The following MAPKAPK5 variants were observed in gnomAD, a reference collection of about 807,000 sequenced individuals.
MAPKAPK5 encodes the protein MAPK activated protein kinase 5, also known as MAP kinase-activated protein kinase 5.
A neutral mutation model predicts 65.1 loss-of-function variants in MAPKAPK5; 30 were observed. That is an observed-to-expected ratio of 0.46 (90% CI 0.34 to 0.63). The LOEUF (loss-of-function observed/expected upper bound fraction) is 0.63. Ranked by LOEUF, MAPKAPK5 falls within the 20% of genes least tolerant of loss-of-function variation. The pLI is 0.01. For missense variants in MAPKAPK5, 433 were observed against 581.4 expected (o/e 0.74, Z 2.63); for synonymous variants, 179 against 204.6 (o/e 0.87, Z 1.07).
chr12:111,881,535 G>A (rs1424740230), intron 8 of MAPKAPK5, among the ~76,000 whole-genome samples: 1 of 151,676 alleles, frequency 6.6e-6, no homozygotes, highest in Non-Finnish European at 1.5e-5. Flanking sequence ...CTCCCAAGTA[G>A]CTGGGATTAC....
chr12:111,842,813 GTTC>G, intron 1 of MAPKAPK5, 44 bp downstream of exon 1: 3 of 1,293,228 alleles, frequency 2.3e-6, no homozygotes. Flanking sequence ...GTCCTGTGGC[GTTC>G]TTCTCGGCTC....
intron 1 of MAPKAPK5, among the ~76,000 whole-genome samples, chr12:111,863,143 C>T (rs188337929): frequency 1.7e-4 from 26 of 152,200 alleles, no homozygotes; most frequent in Admixed American, 5.9e-4. Context: ...TGGTAGAGGA[C>T]GCCAGAGCCA....
intron 8 of MAPKAPK5, among the ~76,000 whole-genome samples, chr12:111,881,653 G>A (rs889235157): frequency 2.0e-5 from 3 of 151,852 alleles, no homozygotes; most frequent in Non-Finnish European, 2.9e-5. Context: ...TGATCCACTC[G>A]CCTCGGCCTC....
rs2070315388 is a variant in MAPKAPK5 at position 111,883,808 on chromosome 12, C to T, written c.848+40C>T. 1 of 1,595,506 alleles carries T rather than the reference C, an allele frequency of 6.3e-7. No homozygotes were observed. On this transcript the variant is annotated intron_variant, in intron 9 of 13. Transcript: ENST00000550735. The surrounding 1 kb of genome is among the most constrained non-coding windows in gnomAD (Gnocchi z 4.8). ...TGCTGGGCATGGAGGCCAAGGAGGC[C>T]TCCAGGTGGTGGAGCACAAGGGAAT...
Position 111,883,780 on chromosome 12 carries a change from G to A in MAPKAPK5, c.848+12G>A. 1 of 1,610,878 alleles carries A rather than the reference G, an allele frequency of 6.2e-7. No individual in the cohort carries two copies. The highest frequency in any genetic ancestry group is 1.7e-4 in the Middle Eastern group (1 of 6,010). On this transcript the variant is annotated intron_variant, in intron 9 of 13. Coordinates refer to ENST00000550735, the MANE Select transcript of MAPKAPK5 (RefSeq NM_003668.4). This position sits in a 1 kb window ranked among gnomAD's most constrained non-coding sequence, Gnocchi z 4.8. ...GATGTTGTGAGGAAGTGAGTTCACG[G>A]GCTGCTGGGCATGGAGGCCAAGGAG...
At chr12:111,891,623 C>G (rs1310366755) in intron 13 of MAPKAPK5, among the ~76,000 whole-genome samples, 2 of 139,460 alleles carry the variant, frequency 1.4e-5, no homozygotes, top group Admixed American at 7.3e-5. Context: ...GAAACCCCAC[C>G]TCTACTAAAA....
Position 111,899,970 on chromosome 12 carries a change from T to G in MAPKAPK5, c.*6909T>G. ...GTCACACAAAAAGTACGTGGAGATG[T>G]TTGTCGTGGTCAACAACCAGCGGTT... is the stretch of plus-strand genomic sequence containing the variant. On this transcript the variant is annotated 3_prime_UTR_variant, in exon 14 of 14. Coordinates refer to ENST00000550735, the MANE Select transcript of MAPKAPK5 (RefSeq NM_003668.4). 1 of 456,024 alleles carries G rather than the reference T, an allele frequency of 2.2e-6. No homozygotes were observed. The highest frequency in any genetic ancestry group is 4.4e-6 in the Non-Finnish European group (1 of 226,802). 28.2% of individuals were successfully genotyped at this position (456,024 alleles called of 1,614,324 possible).
At chr12:111,850,032 T>TGC (rs2136069962) in intron 1 of MAPKAPK5, among the ~76,000 whole-genome samples, 1 of 135,748 alleles carries the variant, frequency 7.4e-6, no homozygotes, top group Non-Finnish European at 1.5e-5. Flanking sequence ...TTGTGAAATA[T>TGC]CCTTTTTTTT....
Position 111,900,056 on chromosome 12 carries a change from G to A in MAPKAPK5, c.*6995G>A, listed in dbSNP as rs887551117. ...AGACAGTAGTGGATGTCATTGCTCT[G>A]GCCAACAGCTTCACTAGGGGAATAA... On this transcript the variant is annotated 3_prime_UTR_variant, in exon 14 of 14. Coordinates refer to ENST00000550735, the MANE Select transcript of MAPKAPK5 (RefSeq NM_003668.4). The A allele has an allele frequency of 2.2e-6, 1 of 456,060 alleles. No homozygotes were observed. Among genetic ancestry groups the A allele is most frequent in the Non-Finnish European group, 4.4e-6 (1 of 226,794 alleles). 28.3% of individuals were successfully genotyped at this position (456,060 alleles called of 1,614,324 possible). A position where few individuals can be genotyped will look rare whatever the true frequency, so the allele number is the denominator to read the frequency against.
At chr12:111,882,824 C>G (rs2070279932) in intron 8 of MAPKAPK5, 1 of 985,314 alleles carries the variant, frequency 1.0e-6, no homozygotes, top group Admixed American at 6.1e-5. Context: ...TGCTTTGGGC[C>G]TTTATGAAGT....
At chr12:111,857,507 G>T (rs1230744713) in intron 1 of MAPKAPK5, among the ~76,000 whole-genome samples, 1 of 152,046 alleles carries the variant, frequency 6.6e-6, no homozygotes, top group East Asian at 1.9e-4. Flanking sequence ...TCCCATCTTG[G>T]CCTACCAAAG....
intron 1 of MAPKAPK5, among the ~76,000 whole-genome samples, chr12:111,862,815 A>G (rs1373085127): frequency 3.3e-5 from 5 of 152,208 alleles, no homozygotes; most frequent in Non-Finnish European, 7.3e-5. Context: ...TATTTTCCAT[A>G]GAGTCTACTG....
At chr12:111,873,603 A>G (rs1048635664) in intron 7 of MAPKAPK5, among the ~76,000 whole-genome samples, 5 of 152,148 alleles carry the variant, frequency 3.3e-5, no homozygotes, top group African/African-American at 4.8e-5. Flanking sequence ...TCGGCCTCCC[A>G]AAGTGCTGGG....
At chr12:111,889,273 A>G in intron 12 of MAPKAPK5, 1 of 356,342 alleles carries the variant, frequency 2.8e-6, no homozygotes. Context: ...AGGTGCAAGC[A>G]TGCAATTTTG....
chr12:111,864,118 G>GA lies in MAPKAPK5; in HGVS notation c.37-1125dup, dbSNP rs956479787. ...ACCCTGTCTCTAAAAAAAGAAAAAAGAAAAAAATTAGCCAGATGCTGTGGT... is the reference window on the plus strand; with the variant it reads ...ACCCTGTCTCTAAAAAAAGAAAAAAGAAAAAAAATTAGCCAGATGCTGTGGT... On this transcript the variant is annotated intron_variant, in intron 1 of 13. Coordinates refer to ENST00000550735, the MANE Select transcript of MAPKAPK5 (RefSeq NM_003668.4). Among the ~76,000 whole-genome samples the GA allele has an allele frequency of 4.7e-4, 71 of 151,896 alleles. 1 individual carries two copies. Among genetic ancestry groups the GA allele is most frequent in the South Asian group, 1.0e-3 (5 of 4,814 alleles).
intron 1 of MAPKAPK5, among the ~76,000 whole-genome samples, chr12:111,851,306 A>C (rs1277437812): frequency 6.6e-6 from 1 of 152,030 alleles, no homozygotes; most frequent in African/African-American, 2.4e-5. Context: ...CAGTGTCTCT[A>C]ATCCAGCCTG....
intron 1 of MAPKAPK5, among the ~76,000 whole-genome samples, chr12:111,854,125 G>A (rs1398531642): frequency 6.6e-6 from 1 of 151,954 alleles, no homozygotes; most frequent in Non-Finnish European, 1.5e-5. Context: ...TGCCTTTTTC[G>A]AGTTTTGGTA....
At chr12:111,852,366 A>G (rs1342461001) in intron 1 of MAPKAPK5, among the ~76,000 whole-genome samples, 1 of 152,184 alleles carries the variant, frequency 6.6e-6, no homozygotes, top group Non-Finnish European at 1.5e-5. Flanking sequence ...TCTTTCCCTC[A>G]GTCTACTCAT....
chr12:111,892,983 T>G lies in MAPKAPK5; in HGVS notation c.1338T>G (p.Asp446Glu), dbSNP rs1228074468. ...TGCTTTCAGGTCGTGGATTCACAGATAAAGTAGATCGACTAAAACTGGCAG... is the reference window on the plus strand; with the variant it reads ...TGCTTTCAGGTCGTGGATTCACAGAGAAAGTAGATCGACTAAAACTGGCAG... ...SFSWNGRGFT[D>E]KVDRLKLAEI... The change falls in exon 14 of 14, where the codon GAT becomes GAG. Residue 446 changes from aspartate to glutamate, a missense_variant. Asp to Glu is a conservative substitution (Grantham distance 45). Around this residue, in one of 3 missense-constraint regions of MAPKAPK5, gnomAD observed 169 missense variants for 215.6 expected, o/e 0.78. Transcript: ENST00000550735. 1 of 1,576,112 alleles carries G rather than the reference T, an allele frequency of 6.3e-7. No individual in the cohort carries two copies. Among genetic ancestry groups the G allele is most frequent in the African/African-American group, 1.4e-5 (1 of 74,014 alleles).
Sources: gnomAD v4.1 joint callset for allele counts (sites outside exome capture counted in the v4.1 genomes callset) on GRCh38, gnomAD v4.1.1 for gene constraint, gnomAD v4.1.1 regional missense constraint, Gnocchi (gnomAD v3.1) non-coding constraint, MANE v1.5 for transcripts, NCBI Gene and HGNC (gene_info 2026-07-23, HGNC 2026-07-21) for gene names.